The following AKAP6 variants were observed in gnomAD, a reference collection of about 807,000 sequenced individuals.
AKAP6 encodes the protein A-kinase anchor protein 6.
A neutral mutation model predicts 188.5 loss-of-function variants in AKAP6; 58 were observed. The observed-to-expected ratio is 0.31, with a 90% CI of 0.25 to 0.38. The LOEUF is 0.38. AKAP6 is among the 10% of genes least tolerant of loss of function. The pLI, the probability that AKAP6 is intolerant of heterozygous loss-of-function variation, is 1.00. For synonymous variants in AKAP6, 989 were observed against 998.6 expected (o/e 0.99, Z 0.18); for missense variants, 2,710 against 2,740.0 (o/e 0.99, Z 0.24).
chr14:32,476,356 T>C (rs80207233), intron 2 of AKAP6, among the ~76,000 whole-genome samples: 1,737 of 152,270 alleles, frequency 0.011, 15 homozygotes, highest in East Asian at 0.026. Flanking sequence ...GTTGAGAGGC[T>C]TGGGGAGAAA....
intron 13 of AKAP6, among the ~76,000 whole-genome samples, chr14:32,825,211 G>A (rs1040830520): frequency 3.9e-5 from 6 of 152,130 alleles, no homozygotes; most frequent in Admixed American, 1.3e-4. Flanking sequence ...AGAGCTGTCC[G>A]TTCTCTTCAG....
intron 1 of AKAP6, among the ~76,000 whole-genome samples, chr14:32,387,427 T>G (rs1451484963): frequency 6.6e-6 from 1 of 150,862 alleles, no homozygotes; most frequent in Non-Finnish European, 1.5e-5. Flanking sequence ...TTGCTGTGGG[T>G]TTGTCATCGA....
intron 10 of AKAP6, chr14:32,734,649 C>CT (rs2031331123): frequency 6.6e-6 from 1 of 152,124 alleles, no homozygotes; most frequent in Admixed American, 6.6e-5. Flanking sequence ...CCTGCTGCTA[C>CT]TTTTGTTACA....
At chr14:32,532,554 G>A (rs1882470421) in intron 2 of AKAP6, among the ~76,000 whole-genome samples, 1 of 152,160 alleles carries the variant, frequency 6.6e-6, no homozygotes, top group Non-Finnish European at 1.5e-5. Flanking sequence ...GGAACAGATG[G>A]CATGTGCTTT....
chr14:32,708,792 T>C (rs919197459), intron 9 of AKAP6, among the ~76,000 whole-genome samples: 1 of 152,082 alleles, frequency 6.6e-6, no homozygotes, highest in African/African-American at 2.4e-5. Context: ...TTGGGTTTAC[T>C]GTTTTCCCAC....
chr14:32,473,795 C>G (rs560336448), intron 2 of AKAP6: 1 of 152,348 alleles, frequency 6.6e-6, no homozygotes, highest in East Asian at 1.9e-4. Context: ...GGGCAGGACA[C>G]CACTGTTTTC....
At chr14:32,705,621 T>C (rs1321593684) in intron 9 of AKAP6, among the ~76,000 whole-genome samples, 1 of 152,140 alleles carries the variant, frequency 6.6e-6, no homozygotes, top group East Asian at 1.9e-4. Flanking sequence ...TCATAGACCC[T>C]GAGCCAAAAA....
At chr14:32,493,737 A>G (rs1432393628) in intron 2 of AKAP6, among the ~76,000 whole-genome samples, 1 of 152,140 alleles carries the variant, frequency 6.6e-6, no homozygotes, top group Non-Finnish European at 1.5e-5. Flanking sequence ...CATTGATTCT[A>G]TAATATTCCA....
At chr14:32,393,590 A>G (rs1888780802) in intron 1 of AKAP6, among the ~76,000 whole-genome samples, 1 of 152,162 alleles carries the variant, frequency 6.6e-6, no homozygotes, top group South Asian at 2.1e-4. Context: ...TGGTTGTATA[A>G]GATGTTGCAT....
At chr14:32,596,216 T>C (rs182704404) in intron 5 of AKAP6, among the ~76,000 whole-genome samples, 50 of 152,278 alleles carry the variant, frequency 3.3e-4, no homozygotes, top group Admixed American at 6.5e-4. Context: ...GATATCTGTT[T>C]CCATCAAGGC....
In AKAP6 at chr14:32,824,637, C is replaced by G; in HGVS notation, c.6824C>G (p.Ser2275Cys). Residue 2275 changes from serine to cysteine, a missense_variant, in exon 13 of 14, where the codon TCT becomes TGT. Transcript: ENST00000280979. ...GAACATAATGCTGCTTCAGCCAAAT[C>G]TAAAGTTCAAGACCTCTCCTTGAAG... ...PEEHNAASAK[S>C]KVQDLSLKAN... The G allele has an allele frequency of 1.9e-6, 3 of 1,613,924 alleles. No homozygotes were observed. Among genetic ancestry groups the G allele is most frequent in the Non-Finnish European group, 2.5e-6 (3 of 1,179,918 alleles).
At chr14:32,813,874 A>ATTTTTT (rs71115099) in intron 12 of AKAP6, among the ~76,000 whole-genome samples, 1 of 142,640 alleles carries the variant, frequency 7.0e-6, no homozygotes, top group Admixed American at 7.0e-5. Flanking sequence ...AAGTGATAGG[A>ATTTTTT]TTTTTTTTTT....
At chr14:32,428,539 G>A (rs527603456) in intron 1 of AKAP6, among the ~76,000 whole-genome samples, 3 of 152,108 alleles carry the variant, frequency 2.0e-5, no homozygotes, top group African/African-American at 4.8e-5. Context: ...TAATCCTGAA[G>A]GGCCGTTAGG....
chr14:32,438,269 GTTC>G (rs35362034), intron 2 of AKAP6, among the ~76,000 whole-genome samples: 128 of 152,272 alleles, frequency 8.4e-4, no homozygotes, highest in African/African-American at 2.5e-3. Context: ...AGGAAAGTCT[GTTC>G]TTCTTCTGTA....
chr14:32,571,181 T>C (rs2139243393), intron 4 of AKAP6, among the ~76,000 whole-genome samples: 1 of 152,098 alleles, frequency 6.6e-6, no homozygotes, highest in South Asian at 2.1e-4. Context: ...GATGAGAGCA[T>C]AATAGTTTAA....
chr14:32,769,037 ATTTTT>A lies in AKAP6; in HGVS notation c.3373-4618_3373-4614del, dbSNP rs544997334. On this transcript the variant is annotated intron_variant, in intron 11 of 13. Transcript: ENST00000280979. ...ACTAGGGGATGCAGCTGCTCTTTTG[ATTTTT>A]TTTTTTTTTTTTTTTTTTTTTTGAG... Among the ~76,000 whole-genome samples the A allele has an allele frequency of 4.7e-3, 269 of 56,922 alleles. 2 individuals are homozygous for A. Among genetic ancestry groups the A allele is most frequent in the South Asian group, 0.012 (12 of 1,020 alleles). 37.3% of individuals were successfully genotyped at this position (56,922 alleles called of 152,430 possible). A position where few individuals can be genotyped will look rare whatever the true frequency, so the allele number is the denominator to read the frequency against.
intron 2 of AKAP6, among the ~76,000 whole-genome samples, chr14:32,480,711 A>C (rs1438806993): frequency 6.6e-6 from 1 of 152,112 alleles, no homozygotes; most frequent in East Asian, 1.9e-4. Context: ...AAAGTGATGC[A>C]AGACAAACTC....
intron 4 of AKAP6, among the ~76,000 whole-genome samples, chr14:32,563,832 A>G (rs966890058): frequency 2.6e-5 from 4 of 152,232 alleles, no homozygotes; most frequent in East Asian, 1.9e-4. Flanking sequence ...GGAAGTTTAT[A>G]TAGGGAAATT....
intron 1 of AKAP6, among the ~76,000 whole-genome samples, chr14:32,406,595 G>T (rs1183179799): frequency 6.6e-6 from 1 of 152,172 alleles, no homozygotes; most frequent in Non-Finnish European, 1.5e-5. Context: ...CTTAGTTTAA[G>T]AATGTTAGCC....
Sources: gnomAD v4.1 joint callset for allele counts (sites outside exome capture counted in the v4.1 genomes callset) on GRCh38, gnomAD v4.1.1 for gene constraint, MANE v1.5 for transcripts, NCBI Gene and HGNC (gene_info 2026-07-23, HGNC 2026-07-21) for gene names.